Variants in ENTPD7 observed in about 807,000 individuals in gnomAD.
ENTPD7 encodes the protein NTPDase 7.
ENTPD7 carries 53 observed loss-of-function variants against 77.9 expected under a neutral mutation model. The ratio of observed to expected loss-of-function variants is 0.68; its 90% confidence interval spans 0.55 to 0.85. The LOEUF is 0.85. Among genes scored for constraint, ENTPD7 ranks in the 40% least tolerant of loss-of-function variants. The pLI, the probability that ENTPD7 is intolerant of heterozygous loss-of-function variation, is 0.00. For missense variants in ENTPD7, 636 were observed against 743.7 expected (o/e 0.86, Z 1.68); for synonymous variants, 248 against 274.9 (o/e 0.90, Z 0.97).
At chr10:99,689,379 C>T (rs1486038022) in intron 7 of ENTPD7, among the ~76,000 whole-genome samples, 6 of 152,104 alleles carry the variant, frequency 3.9e-5, no homozygotes, top group Non-Finnish European at 8.8e-5. Context: ...AACCTTACCA[C>T]CTCACTCCCC....
Position 99,661,506 on chromosome 10 carries a change from A to C in ENTPD7, c.69A>C (p.Pro23=). 1.2e-6 allele frequency: 2 copies of C among 1,613,916 alleles called. No individual in the cohort carries two copies. The highest frequency in any genetic ancestry group is 1.7e-6 in the Non-Finnish European group (2 of 1,179,970). Residue 23 remains proline, a synonymous_variant, in exon 3 of 13, where the codon CCA becomes CCC. Transcript: ENST00000370489. The part of the protein sequence containing the change: ...SWYFTVPTVS[P]FLRQRVAFLG... ...ACTTCACTGTGCCCACAGTGAGTCC[A>C]TTTCTCCGTCAGCGGGTGGCATTCC... is the stretch of plus-strand genomic sequence containing the variant.
chr10:99,685,629 CT>C (rs1008522112), intron 5 of ENTPD7, among the ~76,000 whole-genome samples, 162 bp from the exon 6 acceptor site: 6 of 152,160 alleles, frequency 3.9e-5, no homozygotes, highest in Admixed American at 3.9e-4. Context: ...GCAGTTTAAA[CT>C]TTTAAAATCA....
chr10:99,699,262 G>A (rs924444428), intron 10 of ENTPD7, among the ~76,000 whole-genome samples: 1 of 152,202 alleles, frequency 6.6e-6, no homozygotes, highest in Non-Finnish European at 1.5e-5. Context: ...ACCCAGAGGG[G>A]CAAGCCCATC....
intron 2 of ENTPD7, chr10:99,660,276 A>G: frequency 1.0e-6 from 1 of 983,260 alleles, no homozygotes; most frequent in Non-Finnish European, 1.2e-6. Flanking sequence ...TAAACAAAGA[A>G]GTTTTTTTGT....
In ENTPD7 at chr10:99,679,450, T is replaced by C. The variant is rs754036998; in HGVS notation, c.381T>C (p.Val127=). Residue 127 remains valine (V), a synonymous_variant, in exon 4 of 13, where the codon GTT becomes GTC. Coordinates refer to ENST00000370489, the MANE Select transcript of ENTPD7 (RefSeq NM_020354.5). ...GAGACCGCAACAGCCAACCAGTGGT[T>C]AAAAAAATCAAGCCAGGTACTAATC... The part of the protein sequence containing the change: ...QMRDRNSQPV[V]KKIKPGISAM... The C allele has an allele frequency of 3.7e-6, 6 of 1,612,326 alleles. No individual in the cohort carries two copies. In the South Asian group the frequency reaches 4.4e-5, roughly 12 times the overall value.
At chr10:99,665,821 A>G (rs4919380) in intron 3 of ENTPD7, among the ~76,000 whole-genome samples, 1 of 151,978 alleles carries the variant, frequency 6.6e-6, no homozygotes, top group African/African-American at 2.4e-5. Flanking sequence ...GATTGCAGGC[A>G]TGAGTACCAT....
intron 8 of ENTPD7, among the ~76,000 whole-genome samples, chr10:99,694,359 G>A (rs560207857): frequency 2.0e-5 from 3 of 152,250 alleles, no homozygotes; most frequent in African/African-American, 7.2e-5. Context: ...CTCGTGGTAT[G>A]GGTATTTCAT....
intron 3 of ENTPD7, among the ~76,000 whole-genome samples, chr10:99,664,575 G>A (rs2035526132): frequency 1.3e-5 from 2 of 150,968 alleles, no homozygotes; most frequent in South Asian, 4.2e-4. Context: ...TCAGCCTCCT[G>A]AGTAGCTGGG....
At chr10:99,660,027 G>T in intron 2 of ENTPD7, 63 bp downstream of exon 2, 1 of 1,612,028 alleles carries the variant, frequency 6.2e-7, no homozygotes, top group Admixed American at 1.7e-5. Context: ...AGGTTGGGGG[G>T]CCCTGGGAGG....
intron 3 of ENTPD7, among the ~76,000 whole-genome samples, chr10:99,667,333 A>T (rs1429744967): frequency 6.6e-6 from 1 of 152,238 alleles, no homozygotes; most frequent in Non-Finnish European, 1.5e-5. Context: ...ACTCTATGAT[A>T]GCACTGGAGT....
At chr10:99,686,071 T>G (rs1030756110) in intron 6 of ENTPD7, among the ~76,000 whole-genome samples, 176 bp downstream of exon 6, 3 of 152,102 alleles carry the variant, frequency 2.0e-5, no homozygotes, top group Non-Finnish European at 4.4e-5. Flanking sequence ...GGCATCTGTT[T>G]AGAATGCTGG....
At position 99,708,661 on chromosome 10, in the gene ENTPD7, C is replaced by A. The variant is rs1300332119; in HGVS notation, c.*3978C>A. The A allele has an allele frequency of 3.9e-6, 1 of 253,876 alleles. No homozygotes were observed. Among genetic ancestry groups the A allele is most frequent in the Non-Finnish European group, 6.2e-6 (1 of 161,138 alleles). 15.7% of individuals were successfully genotyped at this position (253,876 alleles called of 1,614,324 possible). On this transcript the variant is annotated 3_prime_UTR_variant, in exon 13 of 13. Transcript: ENST00000370489. ...AAGAGCCTCCTATTTTATCCATAAC[C>A]CCTGATGATAAGGTTGGTGGGAACA...
intron 3 of ENTPD7, among the ~76,000 whole-genome samples, chr10:99,678,024 A>C (rs570438638): frequency 6.6e-6 from 1 of 152,288 alleles, no homozygotes; most frequent in Non-Finnish European, 1.5e-5. Context: ...ATTCCAACAC[A>C]AAATACTAAT....
chr10:99,661,709 T>G, intron 3 of ENTPD7, 81 bp downstream of exon 3: 2 of 1,181,804 alleles, frequency 1.7e-6, no homozygotes, highest in East Asian at 2.7e-5. Context: ...TTGACCCTTT[T>G]GGGTGATACT....
At chr10:99,685,086 C>T (rs1004538066) in intron 5 of ENTPD7, among the ~76,000 whole-genome samples, 4 of 152,032 alleles carry the variant, frequency 2.6e-5, no homozygotes, top group African/African-American at 9.7e-5. Context: ...GGTGCAACCC[C>T]GTCTCTACTA....
intron 3 of ENTPD7, among the ~76,000 whole-genome samples, chr10:99,668,512 TATAA>T (rs2035579653): frequency 6.6e-6 from 1 of 152,216 alleles, no homozygotes; most frequent in Admixed American, 6.5e-5. Flanking sequence ...ATTCTTTATA[TATAA>T]AGTGAGAATA....
chr10:99,669,740 GTTTTTTTTTT>G (rs71472510), intron 3 of ENTPD7, among the ~76,000 whole-genome samples: 2 of 59,256 alleles, frequency 3.4e-5, no homozygotes, highest in African/African-American at 6.7e-5. Context: ...TAGATGTGTG[GTTTTTTTTTT>G]TTTTTTTTTT....
chr10:99,680,529 T>G (rs991274113), intron 5 of ENTPD7, among the ~76,000 whole-genome samples: 2 of 152,152 alleles, frequency 1.3e-5, no homozygotes, highest in African/African-American at 4.8e-5. Context: ...GACTTTTTTT[T>G]TAATGATTTT....
At chr10:99,674,740 A>G (rs911369710) in intron 3 of ENTPD7, among the ~76,000 whole-genome samples, 9 of 152,172 alleles carry the variant, frequency 5.9e-5, no homozygotes, top group Admixed American at 3.9e-4. Context: ...GACTGTTGTC[A>G]TGTTTTTTAC....
Sources: gnomAD v4.1 joint callset for allele counts (sites outside exome capture counted in the v4.1 genomes callset) on GRCh38, gnomAD v4.1.1 for gene constraint, MANE v1.5 for transcripts, NCBI Gene and HGNC (gene_info 2026-07-23, HGNC 2026-07-21) for gene names.